The following CNTNAP2 variants were observed in gnomAD, a reference collection of about 807,000 sequenced individuals.
CNTNAP2 encodes the protein contactin-associated protein-like 2.
Under a neutral mutation model 155.2 loss-of-function variants are expected in CNTNAP2, and 98 were observed. The ratio of observed to expected loss-of-function variants is 0.63; its 90% CI spans 0.54 to 0.75. CNTNAP2 has a LOEUF of 0.75. Ranked by LOEUF, CNTNAP2 falls within the 30% of genes least tolerant of loss-of-function variation. The pLI is 0.00. For synonymous variants in CNTNAP2, 651 were observed against 631.2 expected (o/e 1.03, Z -0.47); for missense variants, 1,727 against 1,688.1 (o/e 1.02, Z -0.40).
At chr7:147,148,750 T>C (rs1175358804) in intron 8 of CNTNAP2, among the ~76,000 whole-genome samples, 1 of 151,478 alleles carries the variant, frequency 6.6e-6, no homozygotes, top group Non-Finnish European at 1.5e-5. Flanking sequence ...ACATCTGGAG[T>C]TGTTTATTCC....
intron 8 of CNTNAP2, among the ~76,000 whole-genome samples, chr7:147,269,793 C>T (rs1804698927): frequency 1.3e-5 from 2 of 152,132 alleles, no homozygotes; most frequent in South Asian, 2.1e-4. Context: ...ATGGCTCATA[C>T]CTGTAATCCT....
chr7:147,264,360 ATACT>A (rs1644836316), intron 8 of CNTNAP2, among the ~76,000 whole-genome samples: 2 of 152,038 alleles, frequency 1.3e-5, no homozygotes, highest in Admixed American at 6.6e-5. Context: ...CAAAATGCAA[ATACT>A]TAGTGTCAAT....
At chr7:148,309,702 A>G (rs1359719282) in intron 21 of CNTNAP2, among the ~76,000 whole-genome samples, 1 of 152,166 alleles carries the variant, frequency 6.6e-6, no homozygotes, top group Non-Finnish European at 1.5e-5. Flanking sequence ...TTAAGGCATG[A>G]ACAGGCCATT....
chr7:147,989,200 T>C (rs10270778), intron 15 of CNTNAP2, among the ~76,000 whole-genome samples: 10,179 of 152,288 alleles, frequency 0.067, 762 homozygotes, highest in African/African-American at 0.19. Context: ...GTGTGGCTGC[T>C]GCTAGCCAAC....
chr7:147,272,873 T>C (rs1804788209), intron 8 of CNTNAP2, among the ~76,000 whole-genome samples: 1 of 152,150 alleles, frequency 6.6e-6, no homozygotes, highest in African/African-American at 2.4e-5. Context: ...ATCTGGATGA[T>C]TTGTCTTTTA....
chr7:148,178,212 T>C (rs956291291), intron 18 of CNTNAP2, among the ~76,000 whole-genome samples: 2 of 152,270 alleles, frequency 1.3e-5, no homozygotes, highest in Non-Finnish European at 2.9e-5. Context: ...TTCACTCATC[T>C]GCACTTTTTT....
intron 15 of CNTNAP2, among the ~76,000 whole-genome samples, chr7:148,047,504 T>C (rs1802795746): frequency 2.0e-5 from 3 of 152,066 alleles, no homozygotes; most frequent in African/African-American, 7.2e-5. Context: ...CACTCAACAC[T>C]GCGCTTGGGG....
intron 3 of CNTNAP2, among the ~76,000 whole-genome samples, chr7:146,855,410 TA>T (rs953735062): frequency 3.3e-4 from 51 of 152,280 alleles, no homozygotes; most frequent in African/African-American, 1.2e-3. Context: ...TATTTGTAAT[TA>T]CAAAATATTG....
intron 2 of CNTNAP2, among the ~76,000 whole-genome samples, chr7:146,833,942 C>A (rs192516303): frequency 6.6e-6 from 1 of 152,258 alleles, no homozygotes; most frequent in East Asian, 1.9e-4. Context: ...TCTAAAAATA[C>A]AGTGTATTTG....
At chr7:147,330,692 A>T (rs1014501089) in intron 9 of CNTNAP2, among the ~76,000 whole-genome samples, 2 of 152,154 alleles carry the variant, frequency 1.3e-5, no homozygotes, top group East Asian at 3.9e-4. Context: ...CCTAATTGGT[A>T]TGAACAGTTT....
intron 13 of CNTNAP2, among the ~76,000 whole-genome samples, chr7:147,751,079 AT>A (rs111985641): frequency 1.2e-4 from 18 of 147,740 alleles, no homozygotes; most frequent in Non-Finnish European, 1.9e-4. Context: ...AATAAAATAA[AT>A]TAAAAAAAAT....
chr7:146,985,931 T>G (rs1479724694), intron 3 of CNTNAP2, among the ~76,000 whole-genome samples: 1 of 152,208 alleles, frequency 6.6e-6, no homozygotes, highest in Non-Finnish European at 1.5e-5. Context: ...TTAATTATTT[T>G]TATTAAAAAA....
intron 10 of CNTNAP2, among the ~76,000 whole-genome samples, chr7:147,430,107 A>C (rs865878786): frequency 2.6e-5 from 4 of 152,310 alleles, no homozygotes; most frequent in South Asian, 4.1e-4. Context: ...TAGATGTCAA[A>C]GCAGGAAATA....
chr7:146,462,569 G>T (rs1796653436), intron 1 of CNTNAP2, among the ~76,000 whole-genome samples: 1 of 152,082 alleles, frequency 6.6e-6, no homozygotes, highest in Non-Finnish European at 1.5e-5. Flanking sequence ...TCTTGATATT[G>T]GTGTGAGATG....
At position 147,304,122 on chromosome 7, in the gene CNTNAP2, G is replaced by A. The variant is rs545628229; in HGVS notation, c.1498+3832G>A. 1.7e-4 allele frequency among the ~76,000 whole-genome samples: 26 copies of A among 152,208 alleles called. No homozygotes were observed. The South Asian group carries it at 5.4e-3, about 32-fold the overall frequency. ...CTCCAGTGTGCAATTTTATCTCTCT[G>A]TGCTTGCTCCCTGCTAATGCCGGCA... is the stretch of plus-strand genomic sequence containing the variant. On this transcript the variant is annotated intron_variant, in intron 9 of 23. Coordinates refer to ENST00000361727, the MANE Select transcript of CNTNAP2 (RefSeq NM_014141.6).
intron 13 of CNTNAP2, among the ~76,000 whole-genome samples, chr7:147,886,316 T>C (rs1368771807): frequency 1.3e-5 from 2 of 151,278 alleles, no homozygotes; most frequent in Non-Finnish European, 2.9e-5. Context: ...CTAATAAAAA[T>C]ACAAAAAAAT....
chr7:146,705,460 A>T (rs991529685), intron 1 of CNTNAP2, among the ~76,000 whole-genome samples: 2 of 152,058 alleles, frequency 1.3e-5, no homozygotes, highest in African/African-American at 4.8e-5. Flanking sequence ...AATGACACTG[A>T]TGAGAAGTCT....
At chr7:147,724,248 C>T (rs1432739577) in intron 13 of CNTNAP2, among the ~76,000 whole-genome samples, 1 of 151,980 alleles carries the variant, frequency 6.6e-6, no homozygotes, top group African/African-American at 2.4e-5. Context: ...CAATCTGATG[C>T]TCATAAACTC....
Position 147,532,120 on chromosome 7 carries a change from C to A in CNTNAP2, c.1778-30018C>A, listed in dbSNP as rs145003476. 3.7e-3 allele frequency among the ~76,000 whole-genome samples: 558 copies of A among 152,204 alleles called. 7 individuals carry two copies. Among genetic ancestry groups the A allele is most frequent in the African/African-American group, 0.013 (524 of 41,540 alleles). On this transcript the variant is annotated intron_variant, in intron 11 of 23. Transcript: ENST00000361727. Reference sequence around the variant, plus strand: ...CCATGCCCGGCCAGGTTTTTCTTTTCTATCACATAGTCAGGCTGCAAATTT... The same window carrying A: ...CCATGCCCGGCCAGGTTTTTCTTTTATATCACATAGTCAGGCTGCAAATTT...
Sources: allele counts gnomAD v4.1 joint callset (sites outside exome capture counted in the v4.1 genomes callset), GRCh38; gene constraint gnomAD v4.1.1; transcripts MANE v1.5; gene names NCBI Gene and HGNC (gene_info 2026-07-23, HGNC 2026-07-21).